JAK1: variants seen among roughly 807,000 people sequenced by gnomAD.
The protein encoded by JAK1 is tyrosine-protein kinase JAK1.
Under a neutral mutation model 136.6 loss-of-function variants are expected in JAK1, and 16 were observed. The observed-to-expected ratio is 0.12, with a 90% CI of 0.08 to 0.18. The LOEUF is 0.18. Among genes scored for constraint, JAK1 ranks in the 10% least tolerant of loss-of-function variants. The pLI, the probability that JAK1 is intolerant of heterozygous loss-of-function variation, is 1.00. For synonymous variants in JAK1, 492 were observed against 519.5 expected (o/e 0.95, Z 0.72); for missense variants, 859 against 1,450.1 (o/e 0.59, Z 6.62).
At chr1:64,871,975 A>AGGC (rs1189188455) in intron 5 of JAK1, among the ~76,000 whole-genome samples, 2 of 152,112 alleles carry the variant, frequency 1.3e-5, no homozygotes, top group East Asian at 3.9e-4. Flanking sequence ...AGCTCCTACA[A>AGGC]GGCTCTGTGT....
chr1:65,020,777 A>C (rs1316848559), intron 2 of JAK1, among the ~76,000 whole-genome samples: 2 of 152,212 alleles, frequency 1.3e-5, no homozygotes, highest in Non-Finnish European at 2.9e-5. Flanking sequence ...TAATTTGAGA[A>C]GAGTTTAATT....
Position 64,982,977 on chromosome 1 carries a change from C to A in JAK1, c.-78+61503G>T, listed in dbSNP as rs572911735. On this transcript the variant is annotated intron_variant, in intron 2 of 25. Coordinates refer to the JAK1 transcript ENST00000671954. The stretch of plus-strand genomic sequence containing the variant: ...AGAAGGTCACCTTTTCCAGCTAAAC[C>A]CCACTGCTATGTGCATTTTTATTCG... Among the ~76,000 whole-genome samples, 3 of 152,118 alleles carry A rather than the reference C, an allele frequency of 2.0e-5. No homozygotes were observed. The East Asian group carries it at 5.8e-4, about 29-fold the overall frequency.
Position 65,004,879 on chromosome 1 carries a change from A to C in JAK1, c.-78+39601T>G, listed in dbSNP as rs577410418. Among the ~76,000 whole-genome samples the C allele has an allele frequency of 2.0e-5, 3 of 152,294 alleles. No individual in the cohort carries two copies. In the South Asian group the frequency reaches 6.2e-4, roughly 32 times the overall value. ...GAAATGGAGACAATTCTCATATTTC[A>C]CTCTGCTATCTTCACTACCCTTTAT... is the stretch of plus-strand genomic sequence containing the variant. On this transcript the variant is annotated intron_variant, in intron 2 of 25. Transcript: ENST00000671954.
At chr1:64,974,966 A>G (rs113777815) in intron 2 of JAK1, among the ~76,000 whole-genome samples, 8,017 of 151,370 alleles carry the variant, frequency 0.053, 294 homozygotes, top group South Asian at 0.11. Flanking sequence ...CTGGAGTGCA[A>G]TGATGCAATC....
intron 2 of JAK1, among the ~76,000 whole-genome samples, chr1:65,032,984 A>G (rs1647036862): frequency 6.6e-6 from 1 of 152,216 alleles, no homozygotes; most frequent in South Asian, 2.1e-4. Flanking sequence ...GTGGCCAATG[A>G]GCTATTAGCG....
intron 20 of JAK1, 84 bp from the exon 21 acceptor site, chr1:64,838,673 G>A (rs1270336244): frequency 7.0e-7 from 1 of 1,428,722 alleles, no homozygotes; most frequent in Non-Finnish European, 9.6e-7. Context: ...ATGAGACAGA[G>A]GCCCTGAGGT....
At chr1:64,871,489 T>C (rs888903701) in intron 5 of JAK1, among the ~76,000 whole-genome samples, 2 of 152,194 alleles carry the variant, frequency 1.3e-5, no homozygotes, top group Non-Finnish European at 2.9e-5. Context: ...GCCTCATTAC[T>C]CAATTTCCTA....
intron 24 of JAK1, among the ~76,000 whole-genome samples, chr1:64,835,003 C>A (rs911272890): frequency 6.6e-6 from 1 of 152,178 alleles, no homozygotes; most frequent in African/African-American, 2.4e-5. Context: ...GTGTCTTACA[C>A]AGTCTCAAGA....
At chr1:65,067,412 C>T (rs903680011) in intron 1 of JAK1, among the ~76,000 whole-genome samples, 4 of 148,654 alleles carry the variant, frequency 2.7e-5, no homozygotes, top group African/African-American at 9.7e-5. Flanking sequence ...AGGCCGGCTC[C>T]GACGCGCCGC....
intron 5 of JAK1, among the ~76,000 whole-genome samples, chr1:64,871,572 C>G (rs1052248472): frequency 2.0e-5 from 3 of 152,198 alleles, no homozygotes; most frequent in South Asian, 4.1e-4. Context: ...CTTCCCCACC[C>G]TCTTCCCCCA....
Position 64,855,562 on chromosome 1 carries a change from C to T in JAK1, c.1595G>A (p.Arg532His), listed in dbSNP as rs771960711. The T allele has an allele frequency of 6.8e-6, 11 of 1,614,016 alleles. No individual in the cohort carries two copies. The highest frequency in any genetic ancestry group is 5.0e-5 in the Admixed American group (3 of 60,002). ...TAGCATGAAGCTGATGTTATCCGTG[C>T]GCAGGATCTGCTTCTTGAGGTGGCT... ...LMSHLKKQIL[R>H]TDNISFMLKR... The change falls in exon 11 of 25, where the codon CGC becomes CAC. Residue 532 changes from arginine (R) to histidine (H), a missense_variant. This residue lies in a region of JAK1 where 409 missense variants were observed against 753.8 expected (regional missense o/e 0.54). Coordinates refer to ENST00000342505, the MANE Select transcript of JAK1 (RefSeq NM_002227.4).
At chr1:64,970,659 G>A (rs983834470), upstream of JAK1, among the ~76,000 whole-genome samples, 3 of 151,806 alleles carry the variant, frequency 2.0e-5, no homozygotes, top group African/African-American at 7.3e-5. Flanking sequence ...AGCTACTCGA[G>A]AGGCTGAGGC....
At chr1:64,875,371 C>T (rs958805553) in intron 4 of JAK1, among the ~76,000 whole-genome samples, 3 of 152,198 alleles carry the variant, frequency 2.0e-5, no homozygotes, top group East Asian at 1.9e-4. Flanking sequence ...AAGATAGAAA[C>T]GGAAGCGGCA....
At chr1:64,848,856 T>A (rs1163688604) in intron 12 of JAK1, among the ~76,000 whole-genome samples, 1 of 152,202 alleles carries the variant, frequency 6.6e-6, no homozygotes, top group African/African-American at 2.4e-5. Flanking sequence ...ATCAGGTATA[T>A]TAATTTGCAC....
chr1:65,045,424 C>T (rs1647175546), intron 1 of JAK1, among the ~76,000 whole-genome samples: 2 of 152,132 alleles, frequency 1.3e-5, no homozygotes, highest in African/African-American at 2.4e-5. Flanking sequence ...TAGCTAAAGA[C>T]CCTCTGGGAG....
rs1654641766 is a variant in JAK1 at position 64,838,582 on chromosome 1, A to G, written c.2850T>C (p.Asn950=). ...GAAATTCCATGATGAGCTTAATACC[A>G]TTTCCTCCTGTTTAGAAAAAACATC... The part of the protein sequence containing the change: ...YKGICTEDGG[N]GIKLIMEFLP... The change falls in exon 21 of 25, where the codon AAT becomes AAC. Residue 950 remains asparagine (N), a synonymous_variant. Coordinates refer to ENST00000342505, the MANE Select transcript of JAK1 (RefSeq NM_002227.4). The G allele has an allele frequency of 2.5e-6, 4 of 1,613,488 alleles. No homozygotes were observed. Among genetic ancestry groups the G allele is most frequent in the African/African-American group, 2.7e-5 (2 of 74,912 alleles).
At chr1:65,065,575 G>C (rs1648002333) in intron 1 of JAK1, among the ~76,000 whole-genome samples, 1 of 151,736 alleles carries the variant, frequency 6.6e-6, no homozygotes, top group Non-Finnish European at 1.5e-5. Flanking sequence ...AGAGGGAAAC[G>C]CTGTTGGAAT....
Position 64,867,068 on chromosome 1 carries a change from G to A in JAK1, c.788C>T (p.Thr263Met), listed in dbSNP as rs375997338. ...CAAGTATTTCACCTTCAGGTCATGC[G>A]TGGACACGCTGCTGTCACAAATGGT... ...NKTICDSSVS[T>M]HDLKVKYLAT... The change falls in exon 7 of 25, where the codon ACG (threonine) becomes ATG (methionine). Residue 263 changes from threonine to methionine, a missense_variant. Thr to Met is a moderately conservative substitution (Grantham distance 81, BLOSUM62 -1). This residue lies in a region of JAK1 where 353 missense variants were observed against 494.0 expected (regional missense o/e 0.71). Coordinates refer to ENST00000342505, the MANE Select transcript of JAK1 (RefSeq NM_002227.4). The A allele has an allele frequency of 1.4e-5, 23 of 1,614,200 alleles. No homozygotes were observed. The highest frequency in any genetic ancestry group is 3.3e-5 in the Admixed American group (2 of 60,034).
rs1569821462 is a variant in JAK1 at position 64,985,070 on chromosome 1, C to T, written c.-78+59410G>A. On this transcript the variant is annotated intron_variant, in intron 2 of 25. Transcript: ENST00000671954. Reference sequence around the variant, plus strand: ...CAGACATGAGGATGGAACAAAAAGCCATCCCTCCAAGGCCTATCATATGTA... The same window carrying T: ...CAGACATGAGGATGGAACAAAAAGCTATCCCTCCAAGGCCTATCATATGTA... The T allele has an allele frequency of 7.8e-6, 7 of 902,862 alleles. No individual in the cohort carries two copies. The South Asian group carries it at 7.8e-5, about 10-fold the overall frequency. The allele number at this position is 902,862 out of a possible 1,614,324, so 55.9% of individuals were successfully genotyped here. A position where few individuals can be genotyped will look rare whatever the true frequency, so the allele number is the denominator to read the frequency against.
Sources: gnomAD v4.1 joint callset for allele counts (sites outside exome capture counted in the v4.1 genomes callset) on GRCh38, gnomAD v4.1.1 for gene constraint, gnomAD v4.1.1 regional missense constraint, MANE v1.5 for transcripts, NCBI Gene and HGNC (gene_info 2026-07-23, HGNC 2026-07-21) for gene names.